PBX1: variants seen among roughly 807,000 people sequenced by gnomAD.
PBX1 encodes the protein pre-B-cell leukemia transcription factor 1.
Under a neutral mutation model 53.4 loss-of-function variants are expected in PBX1, and 6 were observed. That is an observed-to-expected ratio of 0.11 (90% CI 0.06 to 0.22). PBX1 has a LOEUF of 0.22. Ranked by LOEUF, PBX1 falls within the 10% of genes least tolerant of loss-of-function variation. The pLI is 1.00. For missense variants in PBX1, 251 were observed against 551.4 expected (o/e 0.46, Z 5.46); for synonymous variants, 204 against 212.3 (o/e 0.96, Z 0.34).
At chr1:164,579,140 C>T (rs534188984) in intron 2 of PBX1, among the ~76,000 whole-genome samples, 1 of 152,312 alleles carries the variant, frequency 6.6e-6, no homozygotes, top group Admixed American at 6.5e-5. Context: ...AAATTTACCT[C>T]TGTGCTCCAG....
chr1:164,731,679 G>A (rs993083870), intron 2 of PBX1, among the ~76,000 whole-genome samples: 7 of 152,214 alleles, frequency 4.6e-5, no homozygotes, highest in Non-Finnish European at 1.0e-4. Flanking sequence ...CCATTCGAAA[G>A]CCCTCATCTG....
At chr1:164,792,188 A>G (rs141304355) in intron 2 of PBX1, among the ~76,000 whole-genome samples, 1 of 152,256 alleles carries the variant, frequency 6.6e-6, no homozygotes, top group Non-Finnish European at 1.5e-5. Context: ...TTCTGCGCTC[A>G]TTAAACAATA....
intron 2 of PBX1, among the ~76,000 whole-genome samples, chr1:164,869,899 C>T (rs1022377520): frequency 2.0e-5 from 3 of 152,106 alleles, no homozygotes; most frequent in Admixed American, 2.0e-4. Context: ...TTCAAAGGTC[C>T]TGGGGTGGGA....
chr1:164,793,841 C>T lies in PBX1; in HGVS notation c.510+1103C>T, dbSNP rs540555215. ...TTTCTTCTTTTCTTTCCTTTGCTTTCCTTACCTTTCTTTTCTTTTTTTTTT... is the reference window on the plus strand; with the variant it reads ...TTTCTTCTTTTCTTTCCTTTGCTTTTCTTACCTTTCTTTTCTTTTTTTTTT... On this transcript the variant is annotated intron_variant, in intron 3 of 8. Transcript: ENST00000420696. Among the ~76,000 whole-genome samples, 11 of 144,614 alleles carry T rather than the reference C, an allele frequency of 7.6e-5. No homozygotes were observed. The South Asian group carries it at 2.1e-3, about 27-fold the overall frequency. 94.9% of individuals were successfully genotyped at this position (144,614 alleles called of 152,430 possible). A position where few individuals can be genotyped will look rare whatever the true frequency, so the allele number is the denominator to read the frequency against.
intron 8 of PBX1, among the ~76,000 whole-genome samples, chr1:164,833,965 A>C (rs1413114053): frequency 6.8e-6 from 1 of 147,406 alleles, no homozygotes. Context: ...CATACCCTAT[A>C]ATTTTTATGC....
At chr1:164,817,807 T>A (rs1669951936) in intron 6 of PBX1, 1 of 152,234 alleles carries the variant, frequency 6.6e-6, no homozygotes, top group Non-Finnish European at 1.5e-5. Context: ...CATTTCTAAG[T>A]TTGTATACTA....
intron 2 of PBX1, among the ~76,000 whole-genome samples, chr1:164,678,210 C>T (rs1209117365): frequency 6.6e-6 from 1 of 152,110 alleles, no homozygotes; most frequent in African/African-American, 2.4e-5. Context: ...TTTGGTGGAA[C>T]AGATAGAGGA....
chr1:164,570,586 T>G (rs1452450048), intron 2 of PBX1, among the ~76,000 whole-genome samples: 1 of 152,246 alleles, frequency 6.6e-6, no homozygotes, highest in African/African-American at 2.4e-5. Flanking sequence ...ATGTGCCACA[T>G]TTTCTTTATG....
intron 2 of PBX1, among the ~76,000 whole-genome samples, chr1:164,679,838 T>C (rs6426878): frequency 0.094 from 14,384 of 152,218 alleles, 787 homozygotes; most frequent in African/African-American, 0.15. Context: ...AGGACAAACA[T>C]TGATCACCCC....
At chr1:164,654,899 G>T (rs1486440557) in intron 2 of PBX1, among the ~76,000 whole-genome samples, 1 of 152,188 alleles carries the variant, frequency 6.6e-6, no homozygotes, top group Non-Finnish European at 1.5e-5. Context: ...TGATTGGGGA[G>T]TAATGTGTGA....
At chr1:164,607,370 T>C (rs1403471609) in intron 2 of PBX1, among the ~76,000 whole-genome samples, 1 of 152,132 alleles carries the variant, frequency 6.6e-6, no homozygotes, top group Non-Finnish European at 1.5e-5. Flanking sequence ...AATTTGCTAA[T>C]GGGAAGGTGG....
chr1:164,816,534 G>C (rs1233626472), intron 6 of PBX1: 2 of 152,150 alleles, frequency 1.3e-5, no homozygotes, highest in Non-Finnish European at 2.9e-5. Context: ...ATCCGTTCTT[G>C]CTCTAGGTCT....
chr1:164,842,246 C>T (rs1671338789), intron 8 of PBX1, among the ~76,000 whole-genome samples: 1 of 152,158 alleles, frequency 6.6e-6, no homozygotes. Flanking sequence ...GGTTGCAATT[C>T]TGTGTCACGT....
chr1:164,876,524 G>A (rs1014408045), intron 2 of PBX1, among the ~76,000 whole-genome samples: 9 of 151,742 alleles, frequency 5.9e-5, no homozygotes, highest in South Asian at 2.1e-4. Flanking sequence ...AGAACTCAGG[G>A]CTAATCTATA....
intron 2 of PBX1, among the ~76,000 whole-genome samples, chr1:164,789,170 C>T (rs1178135216): frequency 6.6e-6 from 1 of 152,136 alleles, no homozygotes; most frequent in African/African-American, 2.4e-5. Context: ...TGTTCTTTGC[C>T]AGCCTTGACA....
intron 2 of PBX1, among the ~76,000 whole-genome samples, chr1:164,590,945 A>G (rs551478808): frequency 1.3e-5 from 2 of 152,026 alleles, no homozygotes; most frequent in African/African-American, 4.8e-5. Context: ...CCTGGGCTCA[A>G]GTGATTCTCC....
intron 2 of PBX1, among the ~76,000 whole-genome samples, chr1:164,760,851 C>G (rs1371821706): frequency 6.6e-6 from 1 of 152,214 alleles, no homozygotes; most frequent in Non-Finnish European, 1.5e-5. Context: ...ATTTCTCAAA[C>G]TGCCTCTTTT....
At chr1:164,607,755 T>C (rs566693249) in intron 2 of PBX1, among the ~76,000 whole-genome samples, 76 of 152,194 alleles carry the variant, frequency 5.0e-4, no homozygotes, top group African/African-American at 1.8e-3. Context: ...GCAAGGTGGT[T>C]AGTGGAGAGG....
At chr1:164,718,104 C>A (rs1030917937) in intron 2 of PBX1, among the ~76,000 whole-genome samples, 33 of 152,314 alleles carry the variant, frequency 2.2e-4, no homozygotes, top group African/African-American at 7.9e-4. Flanking sequence ...AGTTGGAAGT[C>A]AGATCCAAGT....
Sources: allele counts gnomAD v4.1 joint callset (sites outside exome capture counted in the v4.1 genomes callset), GRCh38; gene constraint gnomAD v4.1.1; transcripts MANE v1.5; gene names NCBI Gene and HGNC (gene_info 2026-07-23, HGNC 2026-07-21).